TMEM163: variants seen among roughly 807,000 people sequenced by gnomAD.
TMEM163 encodes transmembrane protein 163.
Under a neutral mutation model 29.3 loss-of-function variants are expected in TMEM163, and 17 were observed. The ratio of observed to expected loss-of-function variants is 0.58; its 90% CI spans 0.40 to 0.87. The LOEUF (loss-of-function observed/expected upper bound fraction) is 0.87. TMEM163 is among the 40% of genes least tolerant of loss of function. The pLI is 0.00. For synonymous variants in TMEM163, 157 were observed against 160.6 expected, an observed-to-expected ratio of 0.98 and a Z score of 0.17; for missense variants, 303 against 381.5, an observed-to-expected ratio of 0.79 and a Z score of 1.71.
At position 134,619,675 on chromosome 2, in the gene TMEM163, G is replaced by T. The variant is rs80234042; in HGVS notation, c.323-67584C>A. Among the ~76,000 whole-genome samples the T allele has an allele frequency of 1.2e-3, 190 of 152,244 alleles. No homozygotes were observed. The East Asian group carries it at 0.026, about 21-fold the overall frequency. ...ATACTAAGCAAGGATAAATGCTCTTGCCACACCTATTCAACACTGCACTAG... is the reference window on the plus strand; with the variant it reads ...ATACTAAGCAAGGATAAATGCTCTTTCCACACCTATTCAACACTGCACTAG... On this transcript the variant is annotated intron_variant, in intron 2 of 7. Transcript: ENST00000281924.
intron 6 of TMEM163, 62 bp from the exon 7 acceptor site, chr2:134,458,235 A>C: frequency 1.3e-6 from 2 of 1,593,350 alleles, no homozygotes; most frequent in Non-Finnish European, 1.7e-6. Flanking sequence ...AATCACCCAA[A>C]TGCCAGTCCT....
chr2:134,718,854 C>A lies in TMEM163; in HGVS notation c.82G>T (p.Ala28Ser). ...AGCGGGGCCGGGCCGGGGGCGGCAGCCGGTGGCGCGTGGCCCCGGGGCGGC... is the reference window on the plus strand; with the variant it reads ...AGCGGGGCCGGGCCGGGGGCGGCAGACGGTGGCGCGTGGCCCCGGGGCGGC... ...PPPPRGHAPP[A>S]AAPGPAPLSS... Residue 28 changes from alanine to serine, a missense_variant, in exon 1 of 8, where the codon GCT (alanine) becomes TCT (serine). Physicochemically the swap from Ala to Ser is moderately conservative, Grantham distance 99. Coordinates refer to ENST00000281924, the MANE Select transcript of TMEM163 (RefSeq NM_030923.5). 2 of 1,116,356 alleles carry A rather than the reference C, an allele frequency of 1.8e-6. No individual in the cohort carries two copies. Among genetic ancestry groups the A allele is most frequent in the Non-Finnish European group, 2.2e-6 (2 of 915,032 alleles). 69.2% of individuals were successfully genotyped at this position (1,116,356 alleles called of 1,614,324 possible).
intron 2 of TMEM163, among the ~76,000 whole-genome samples, chr2:134,707,795 G>C (rs1188452851): frequency 6.6e-6 from 1 of 152,018 alleles, no homozygotes; most frequent in Non-Finnish European, 1.5e-5. Context: ...TGCCATGTGA[G>C]ATCCGTGAGA....
At chr2:134,492,861 A>T (rs1476060092) in intron 5 of TMEM163, among the ~76,000 whole-genome samples, 1 of 152,214 alleles carries the variant, frequency 6.6e-6, no homozygotes, top group Non-Finnish European at 1.5e-5. Flanking sequence ...TTGGGTAAAT[A>T]CCTAAGGTTG....
chr2:134,658,166 T>C (rs1234629233), intron 2 of TMEM163, among the ~76,000 whole-genome samples: 1 of 152,176 alleles, frequency 6.6e-6, no homozygotes, highest in African/African-American at 2.4e-5. Flanking sequence ...CCTCCTACTA[T>C]GCATAGGCAA....
At chr2:134,531,356 C>A (rs1000195657) in intron 4 of TMEM163, among the ~76,000 whole-genome samples, 2 of 152,222 alleles carry the variant, frequency 1.3e-5, no homozygotes, top group Non-Finnish European at 2.9e-5. Context: ...ACTAAGCAAG[C>A]AATTCTGCAG....
chr2:134,567,963 C>T (rs1348326435), intron 2 of TMEM163, among the ~76,000 whole-genome samples: 2 of 152,196 alleles, frequency 1.3e-5, no homozygotes, highest in African/African-American at 4.8e-5. Flanking sequence ...GGGCTGAAAA[C>T]CTATGTGTTT....
intron 2 of TMEM163, among the ~76,000 whole-genome samples, chr2:134,706,576 A>G (rs1684817314): frequency 6.6e-6 from 1 of 152,216 alleles, no homozygotes; most frequent in Non-Finnish European, 1.5e-5. Context: ...AAGGCTTCCC[A>G]GAAAAGGTGA....
intron 2 of TMEM163, among the ~76,000 whole-genome samples, chr2:134,561,931 C>T (rs1475041800): frequency 1.3e-5 from 2 of 152,232 alleles, no homozygotes; most frequent in East Asian, 1.9e-4. Context: ...ATAAAACATA[C>T]ATTTTAAAGC....
chr2:134,630,462 A>G (rs759373374), intron 2 of TMEM163, among the ~76,000 whole-genome samples: 7 of 152,160 alleles, frequency 4.6e-5, no homozygotes, highest in Admixed American at 6.5e-5. Flanking sequence ...CTCATATCCA[A>G]TGCAGCGCTG....
At chr2:134,517,732 C>A (rs1680106660) in intron 4 of TMEM163, among the ~76,000 whole-genome samples, 1 of 152,280 alleles carries the variant, frequency 6.6e-6, no homozygotes, top group East Asian at 1.9e-4. Context: ...ACTAAAACTG[C>A]AATCTAGATG....
chr2:134,653,092 T>C (rs1378493358), intron 2 of TMEM163, among the ~76,000 whole-genome samples: 3 of 118,812 alleles, frequency 2.5e-5, no homozygotes, highest in Non-Finnish European at 5.0e-5. Context: ...CCTCTTTTTC[T>C]ATTGATTGGA....
intron 2 of TMEM163, among the ~76,000 whole-genome samples, chr2:134,702,261 G>A (rs1684720946): frequency 6.6e-6 from 1 of 152,144 alleles, no homozygotes; most frequent in Non-Finnish European, 1.5e-5. Context: ...AAAGCAACAG[G>A]GGAAAGAAGC....
At chr2:134,493,164 T>C (rs1679466511) in intron 5 of TMEM163, among the ~76,000 whole-genome samples, 2 of 152,134 alleles carry the variant, frequency 1.3e-5, no homozygotes, top group African/African-American at 4.8e-5. Context: ...ATAAATCATA[T>C]AAGTCCCTTT....
intron 2 of TMEM163, among the ~76,000 whole-genome samples, chr2:134,659,274 G>C (rs1683693885): frequency 1.3e-5 from 2 of 152,354 alleles, no homozygotes; most frequent in African/African-American, 4.8e-5. Context: ...TAGGACCACT[G>C]TCATGTATGC....
intron 5 of TMEM163, chr2:134,468,037 G>T (rs1206716679): frequency 1.3e-5 from 2 of 152,394 alleles, no homozygotes; most frequent in Non-Finnish European, 2.9e-5. Flanking sequence ...GTGGGAGGGG[G>T]TCAGGAGCCC....
intron 2 of TMEM163, among the ~76,000 whole-genome samples, chr2:134,657,992 C>A (rs942639349): frequency 6.0e-5 from 9 of 149,736 alleles, no homozygotes; most frequent in Admixed American, 6.0e-4. Flanking sequence ...TACACATACC[C>A]CCTGAACTTA....
chr2:134,589,011 A>T (rs1303620376), intron 2 of TMEM163, among the ~76,000 whole-genome samples: 1 of 152,192 alleles, frequency 6.6e-6, no homozygotes, highest in Non-Finnish European at 1.5e-5. Flanking sequence ...TTTATTGTCC[A>T]GCAATGCCAA....
chr2:134,585,765 G>T (rs766065133), intron 2 of TMEM163, among the ~76,000 whole-genome samples: 2 of 151,226 alleles, frequency 1.3e-5, no homozygotes, highest in Non-Finnish European at 2.9e-5. Flanking sequence ...ATACCTGGAA[G>T]AGTGCCTGGC....
Sources: gnomAD v4.1 joint callset for allele counts (sites outside exome capture counted in the v4.1 genomes callset) on GRCh38, gnomAD v4.1.1 for gene constraint, MANE v1.5 for transcripts, NCBI Gene and HGNC (gene_info 2026-07-23, HGNC 2026-07-21) for gene names.